Variants in MGRN1 observed in about 807,000 individuals in gnomAD.
MGRN1 encodes E3 ubiquitin-protein ligase MGRN1.
MGRN1 carries 29 observed loss-of-function variants against 69.2 expected under a neutral mutation model. That is an observed-to-expected ratio of 0.42 (90% CI 0.31 to 0.57). MGRN1 has a LOEUF of 0.57. Ranked by LOEUF, MGRN1 falls within the 20% of genes least tolerant of loss-of-function variation. MGRN1 has a pLI of 0.15. For synonymous variants in MGRN1, 470 were observed against 344.2 expected (o/e 1.37, Z -4.04); for missense variants, 998 against 796.2 (o/e 1.25, Z -3.05).
chr16:4,632,458 A>T (rs561947458), intron 1 of MGRN1, among the ~76,000 whole-genome samples: 11 of 151,282 alleles, frequency 7.3e-5, no homozygotes, highest in Non-Finnish European at 1.0e-4. Flanking sequence ...CAGTGGCGCA[A>T]TCTCTGCTCA....
intron 8 of MGRN1, chr16:4,669,395 C>G (rs1424429502): frequency 6.9e-6 from 1 of 145,890 alleles, no homozygotes; most frequent in Admixed American, 7.0e-5. Context: ...GATCATGCCA[C>G]TGCACTCCAG....
intron 1 of MGRN1, among the ~76,000 whole-genome samples, chr16:4,625,257 C>T (rs1399274235): frequency 4.6e-5 from 7 of 152,206 alleles, no homozygotes; most frequent in African/African-American, 1.7e-4. Flanking sequence ...CCTGGCGCTG[C>T]TACTGCCCGG....
intron 1 of MGRN1, among the ~76,000 whole-genome samples, chr16:4,630,692 G>T (rs907595476): frequency 1.3e-5 from 2 of 152,026 alleles, no homozygotes; most frequent in Non-Finnish European, 2.9e-5. Flanking sequence ...TGATCTGCCT[G>T]CCTTGGCCTC....
chr16:4,686,385 G>T (rs2079319745), intron 16 of MGRN1: 3 of 1,502,456 alleles, frequency 2.0e-6, no homozygotes, highest in Non-Finnish European at 2.7e-6. Flanking sequence ...TCTGGCGGGG[G>T]TTCCTTCTGG....
intron 1 of MGRN1, among the ~76,000 whole-genome samples, chr16:4,648,651 C>G (rs1279296634): frequency 4.6e-4 from 40 of 86,782 alleles, no homozygotes; most frequent in African/African-American, 1.6e-3. Flanking sequence ...GGTCACCCGG[C>G]TCCTCCTCCC....
intron 5 of MGRN1, chr16:4,664,145 G>C (rs1178490215): frequency 6.3e-6 from 1 of 159,028 alleles, no homozygotes; most frequent in Non-Finnish European, 1.4e-5. Context: ...CGTCGCAAAG[G>C]AACGCGTGCA....
At chr16:4,664,530 A>G (rs2078754548) in intron 5 of MGRN1, 179 bp from the exon 6 acceptor site, 1 of 631,972 alleles carries the variant, frequency 1.6e-6, no homozygotes, top group Non-Finnish European at 2.9e-6. Flanking sequence ...GTTTTAACAC[A>G]CACATAAAAA....
intron 7 of MGRN1, 83 bp downstream of exon 7, chr16:4,665,234 G>A: frequency 1.4e-6 from 2 of 1,478,886 alleles, no homozygotes; most frequent in South Asian, 1.2e-5. Context: ...GCCTGAGCAG[G>A]GGCTGGGGCT....
At chr16:4,650,680 G>A in intron 2 of MGRN1, 197 bp downstream of exon 2, 1 of 447,080 alleles carries the variant, frequency 2.2e-6, no homozygotes, top group African/African-American at 2.0e-5. Context: ...GCCCCCTAGA[G>A]GCCAGATGGC....
At chr16:4,682,788 C>G (rs773910999) in intron 13 of MGRN1, 35 bp from the exon 14 acceptor site, 1 of 1,498,954 alleles carries the variant, frequency 6.7e-7, no homozygotes, top group East Asian at 2.4e-5. Flanking sequence ...TGTCGTTATC[C>G]TCTCACCCCT....
intron 1 of MGRN1, chr16:4,634,504 G>A (rs571588120): frequency 6.6e-6 from 1 of 152,478 alleles, no homozygotes; most frequent in East Asian, 1.9e-4. Context: ...TCCAGTGGAC[G>A]ACGGCGTGGT....
intron 2 of MGRN1, 92 bp from the exon 3 acceptor site, chr16:4,651,871 C>T (rs553050890): frequency 1.5e-5 from 17 of 1,110,900 alleles, no homozygotes; most frequent in Admixed American, 1.2e-4. Context: ...CCAGGGATAC[C>T]CTCTGGGGCT....
At chr16:4,635,174 G>A (rs1175136976) in intron 1 of MGRN1, 1 of 152,396 alleles carries the variant, frequency 6.6e-6, no homozygotes, top group East Asian at 1.9e-4. Flanking sequence ...CACTTTGGGA[G>A]GCTGAGGCAG....
chr16:4,665,879 G>C (rs2078792376), intron 7 of MGRN1, among the ~76,000 whole-genome samples: 1 of 151,732 alleles, frequency 6.6e-6, no homozygotes. Flanking sequence ...GCCCAGGCTG[G>C]AGTGCAGTGG....
At position 4,677,569 on chromosome 16, in the gene MGRN1, C is replaced by T. The variant is rs757822441; in HGVS notation, c.1062C>T (p.His354=). Residue 354 remains histidine, a synonymous_variant, in exon 11 of 17, where the codon CAC becomes CAT. Transcript: ENST00000262370. ...CCCAGAGCCTGGAGCATGATGAGCA[C>T]TCTGTAAGTGCCGCCTCCTGCCTGC... ...VLAQSLEHDE[H]SCPFKKSKPH... 5 of 1,599,488 alleles carry T rather than the reference C, an allele frequency of 3.1e-6. No individual in the cohort carries two copies. In the South Asian group the frequency reaches 4.4e-5, roughly 14 times the overall value.
chr16:4,652,313 C>T (rs767582420), intron 3 of MGRN1, among the ~76,000 whole-genome samples: 6 of 152,092 alleles, frequency 3.9e-5, no homozygotes, highest in Non-Finnish European at 8.8e-5. Flanking sequence ...CTTGGCATCT[C>T]AGGTGGGTGC....
chr16:4,627,589 C>T (rs927105274), intron 1 of MGRN1, among the ~76,000 whole-genome samples: 3 of 151,848 alleles, frequency 2.0e-5, no homozygotes, highest in African/African-American at 2.4e-5. Flanking sequence ...AGATGGAGAC[C>T]ATCCTGGCTA....
intron 16 of MGRN1, chr16:4,686,345 G>C (rs916881948): frequency 6.5e-7 from 1 of 1,537,368 alleles, no homozygotes; most frequent in East Asian, 2.5e-5. Flanking sequence ...TCTGACGCGC[G>C]TCCTTGGAGA....
chr16:4,683,750 G>T, intron 15 of MGRN1, 93 bp from the exon 16 acceptor site: 2 of 1,102,580 alleles, frequency 1.8e-6, no homozygotes, highest in South Asian at 2.9e-5. Context: ...TGGCTACAGA[G>T]CCCTTGGGTA....
Sources: gnomAD v4.1 joint callset for allele counts (sites outside exome capture counted in the v4.1 genomes callset) on GRCh38, gnomAD v4.1.1 for gene constraint, MANE v1.5 for transcripts, NCBI Gene and HGNC (gene_info 2026-07-23, HGNC 2026-07-21) for gene names.